Variants in CTNND2 observed in about 807,000 individuals in gnomAD.
The protein encoded by CTNND2 is catenin delta 2.
In CTNND2, 22 loss-of-function variants were observed where a neutral mutation model predicts 144.4. The ratio of observed to expected loss-of-function variants is 0.15; its 90% CI spans 0.11 to 0.22. The LOEUF (loss-of-function observed/expected upper bound fraction) is 0.22. Among genes scored for constraint, CTNND2 ranks in the 10% least tolerant of loss-of-function variants. CTNND2 has a pLI of 1.00. For synonymous variants in CTNND2, 751 were observed against 695.6 expected, an observed-to-expected ratio of 1.08 and a Z score of -1.25; for missense variants, 1,353 against 1,618.8, an observed-to-expected ratio of 0.84 and a Z score of 2.82.
At chr5:11,276,021 T>C (rs1746487100) in intron 9 of CTNND2, among the ~76,000 whole-genome samples, 1 of 152,236 alleles carries the variant, frequency 6.6e-6, no homozygotes, top group African/African-American at 2.4e-5. Flanking sequence ...TATTTCTTTA[T>C]ATAATTAAGT....
At chr5:11,213,254 A>G (rs1475327202) in intron 10 of CTNND2, among the ~76,000 whole-genome samples, 1 of 151,996 alleles carries the variant, frequency 6.6e-6, no homozygotes, top group Non-Finnish European at 1.5e-5. Flanking sequence ...CAGAGGGTGG[A>G]GGCCGCTGGG....
intron 11 of CTNND2, among the ~76,000 whole-genome samples, chr5:11,160,664 T>C (rs1449075647): frequency 6.6e-6 from 1 of 152,228 alleles, no homozygotes; most frequent in Non-Finnish European, 1.5e-5. Context: ...GTATACACCC[T>C]GAACCTAAAC....
chr5:11,090,203 T>G (rs1275575607), intron 15 of CTNND2, among the ~76,000 whole-genome samples: 1 of 152,184 alleles, frequency 6.6e-6, no homozygotes, highest in South Asian at 2.1e-4. Context: ...GGAGCCACCA[T>G]AGCGCTGTGA....
chr5:11,878,294 T>G (rs796715734), intron 1 of CTNND2, among the ~76,000 whole-genome samples: 1 of 152,162 alleles, frequency 6.6e-6, no homozygotes, highest in South Asian at 2.1e-4. Flanking sequence ...CCTAAAGAAT[T>G]TCTTCTACCT....
chr5:11,587,038 G>A (rs962746564), intron 2 of CTNND2, among the ~76,000 whole-genome samples: 9 of 152,026 alleles, frequency 5.9e-5, no homozygotes, highest in East Asian at 1.9e-4. Flanking sequence ...ACTTAATTGC[G>A]TTTTTAAACT....
In CTNND2 at chr5:11,290,044, A is replaced by G. The variant is rs368083026; in HGVS notation, c.1629-53221T>C. On this transcript the variant is annotated intron_variant, in intron 9 of 21. Transcript: ENST00000304623. The stretch of plus-strand genomic sequence containing the variant: ...AACTACAAGGATCGAGTATAGAGCA[A>G]CACATTTTCCGGAAGACAAGGAGGT... 7.9e-5 allele frequency among the ~76,000 whole-genome samples: 12 copies of G among 152,328 alleles called. No homozygotes were observed. The East Asian group carries it at 9.7e-4, about 12-fold the overall frequency.
chr5:11,454,679 C>T lies in CTNND2; in HGVS notation c.288-42610G>A, dbSNP rs1227078619. Among the ~76,000 whole-genome samples the T allele has an allele frequency of 2.0e-5, 3 of 151,604 alleles. No homozygotes were observed. The South Asian group carries it at 6.3e-4, about 32-fold the overall frequency. The stretch of plus-strand genomic sequence containing the variant: ...TGGCACGATCTCAGCTCACTGCAAT[C>T]TCCACCTCCTGGTTTCAAGCAAGTC... On this transcript the variant is annotated intron_variant, in intron 3 of 21. Transcript: ENST00000304623.
intron 16 of CTNND2, among the ~76,000 whole-genome samples, chr5:11,044,008 T>G (rs1018593221): frequency 1.3e-5 from 2 of 152,206 alleles, no homozygotes; most frequent in South Asian, 4.1e-4. Flanking sequence ...GAGGCTGTCA[T>G]TCACACTTGG....
intron 2 of CTNND2, among the ~76,000 whole-genome samples, chr5:11,657,328 C>T (rs1214231959): frequency 6.6e-6 from 1 of 151,950 alleles, no homozygotes; most frequent in African/African-American, 2.4e-5. Context: ...AAGTCTAAAC[C>T]AGCTTTTCCA....
In CTNND2 at chr5:11,384,235, A is replaced by T. The variant is rs61749848; in HGVS notation, c.1177+430T>A. ...ATGTAAGCTGAACGTCTAATTTGAG[A>T]AAATCCCTTACTTTTTCCACAATGA... On this transcript the variant is annotated intron_variant, in intron 7 of 21. Coordinates refer to ENST00000304623, the MANE Select transcript of CTNND2 (RefSeq NM_001332.4). This position sits in a 1 kb window ranked among gnomAD's most constrained non-coding sequence, Gnocchi z 5.2. Among the ~76,000 whole-genome samples, 23 of 152,348 alleles carry T rather than the reference A, an allele frequency of 1.5e-4. No homozygotes were observed. In the East Asian group the frequency reaches 4.2e-3, roughly 28 times the overall value.
chr5:11,747,190 T>C (rs1788360577), intron 1 of CTNND2, among the ~76,000 whole-genome samples: 1 of 152,158 alleles, frequency 6.6e-6, no homozygotes, highest in Non-Finnish European at 1.5e-5. Context: ...AACAGCTGAT[T>C]GATGGGTTTA....
At position 11,117,134 on chromosome 5, in the gene CTNND2, TA is replaced by T. The variant is rs75199991; in HGVS notation, c.2277+315del. 0.018 allele frequency among the ~76,000 whole-genome samples: 2,639 copies of T among 145,938 alleles called. 69 individuals are homozygous for T. The highest frequency in any genetic ancestry group is 0.052 in the African/African-American group (2,109 of 40,358). Reference sequence around the variant, plus strand: ...CTTTTCTGTTGAAAGTGGATTACATTAAAAAAAAAAAACTAGAAGCTTGTGA... The same window carrying T: ...CTTTTCTGTTGAAAGTGGATTACATTAAAAAAAAAAACTAGAAGCTTGTGA... On this transcript the variant is annotated intron_variant, in intron 13 of 21. Transcript: ENST00000304623.
At chr5:11,803,796 T>C (rs1211639016) in intron 1 of CTNND2, among the ~76,000 whole-genome samples, 3 of 152,212 alleles carry the variant, frequency 2.0e-5, no homozygotes, top group Non-Finnish European at 4.4e-5. Context: ...TTCACTGTTG[T>C]ATCACCAGTG....
intron 12 of CTNND2, among the ~76,000 whole-genome samples, chr5:11,142,811 A>G: frequency 6.6e-6 from 1 of 151,792 alleles, no homozygotes; most frequent in Non-Finnish European, 1.5e-5. Context: ...ACGGGGTTTC[A>G]CCGTGTTAGC....
At chr5:11,554,187 T>C (rs1443239242) in intron 3 of CTNND2, among the ~76,000 whole-genome samples, 3 of 152,192 alleles carry the variant, frequency 2.0e-5, no homozygotes, top group African/African-American at 7.2e-5. Context: ...ATACTAATGA[T>C]AACATAAACT....
At chr5:11,747,193 T>G (rs960340117) in intron 1 of CTNND2, among the ~76,000 whole-genome samples, 1 of 152,150 alleles carries the variant, frequency 6.6e-6, no homozygotes, top group Non-Finnish European at 1.5e-5. Flanking sequence ...AGCTGATTGA[T>G]GGGTTTACCA....
chr5:11,442,221 A>G (rs1041358468), intron 3 of CTNND2, among the ~76,000 whole-genome samples: 1 of 152,200 alleles, frequency 6.6e-6, no homozygotes, highest in Non-Finnish European at 1.5e-5. Context: ...TTTTATAAAA[A>G]TAAAAGCTTA....
At chr5:11,026,448 C>G (rs1345097534) in intron 16 of CTNND2, among the ~76,000 whole-genome samples, 1 of 148,976 alleles carries the variant, frequency 6.7e-6, no homozygotes, top group African/African-American at 2.5e-5. Flanking sequence ...ACCTCCATCT[C>G]CTGGGTTCAA....
intron 1 of CTNND2, among the ~76,000 whole-genome samples, chr5:11,892,347 C>T (rs1327464651): frequency 1.3e-5 from 2 of 152,250 alleles, no homozygotes; most frequent in African/African-American, 4.8e-5. Context: ...TCCTACATTT[C>T]TCCAAATGAC....
Sources: allele counts gnomAD v4.1 joint callset (sites outside exome capture counted in the v4.1 genomes callset), GRCh38; gene constraint gnomAD v4.1.1; non-coding constraint Gnocchi (gnomAD v3.1); transcripts MANE v1.5; gene names NCBI Gene and HGNC (gene_info 2026-07-23, HGNC 2026-07-21).